Variants in NBAS observed in about 807,000 individuals in gnomAD.
The protein encoded by NBAS is NAG/BC035112 fusion.
In NBAS, 219 loss-of-function variants were observed where a neutral mutation model predicts 302.5. The ratio of observed to expected loss-of-function variants is 0.72; its 90% CI spans 0.65 to 0.81. NBAS has a LOEUF of 0.81. Ranked by LOEUF, NBAS falls within the 30% of genes least tolerant of loss-of-function variation. The pLI is 0.00. For synonymous variants in NBAS, 1,118 were observed against 1,021.6 expected (o/e 1.09, Z -1.80); for missense variants, 2,932 against 2,841.6 (o/e 1.03, Z -0.72).
chr2:15,505,789 A>G (rs893798492), intron 10 of NBAS, among the ~76,000 whole-genome samples: 1 of 152,226 alleles, frequency 6.6e-6, no homozygotes, highest in Non-Finnish European at 1.5e-5. Context: ...AAACTTTAAC[A>G]TAGCACTCCA....
At chr2:14,887,399 C>CAAAAAAAAAAA in the NBAS span, among the ~76,000 whole-genome samples, 67 of 84,610 alleles carry the variant, frequency 7.9e-4, 4 homozygotes, top group African/African-American at 2.7e-3. Context: ...TGAGACTCCT[C>CAAAAAAAAAAA]AAAAAAAAAA....
intron 44 of NBAS, among the ~76,000 whole-genome samples, chr2:15,272,169 G>T (rs1191714060): frequency 6.6e-6 from 1 of 152,142 alleles, no homozygotes; most frequent in Non-Finnish European, 1.5e-5. Flanking sequence ...ACTCAGTTCA[G>T]GCCTTGGGAA....
At chr2:14,833,832 T>C in the NBAS span, among the ~76,000 whole-genome samples, 5 of 151,980 alleles carry the variant, frequency 3.3e-5, no homozygotes, top group East Asian at 7.7e-4. Flanking sequence ...CTACACGATA[T>C]CTCAAATTTT....
intron 47 of NBAS, among the ~76,000 whole-genome samples, chr2:15,228,596 A>C (rs1434172342): frequency 1.3e-5 from 2 of 152,272 alleles, no homozygotes; most frequent in African/African-American, 4.8e-5. Context: ...CTAAATGCCC[A>C]TCTAAAGATT....
chr2:14,856,291 C>T, the NBAS span, among the ~76,000 whole-genome samples: 2 of 152,140 alleles, frequency 1.3e-5, no homozygotes, highest in Non-Finnish European at 2.9e-5. Flanking sequence ...CATCCAAGTC[C>T]TTTTAAATAT....
chr2:15,451,209 C>T (rs773144384), intron 21 of NBAS, among the ~76,000 whole-genome samples: 5 of 152,238 alleles, frequency 3.3e-5, no homozygotes, highest in South Asian at 4.1e-4. Context: ...TGCCACCATG[C>T]CCAGCTAATT....
chr2:15,384,301 T>C (rs1480076881), intron 28 of NBAS, among the ~76,000 whole-genome samples: 2 of 152,224 alleles, frequency 1.3e-5, no homozygotes, highest in East Asian at 1.9e-4. Flanking sequence ...GAGCAAGTCA[T>C]TTAATATTCT....
the NBAS span, among the ~76,000 whole-genome samples, chr2:14,807,440 C>CGTGTGTGT: frequency 3.0e-4 from 38 of 128,526 alleles, no homozygotes; most frequent in African/African-American, 1.3e-3. Context: ...TTTCAAATCC[C>CGTGTGTGT]GTGTGTGTGT....
At chr2:15,020,774 A>G in the NBAS span, among the ~76,000 whole-genome samples, 1 of 152,216 alleles carries the variant, frequency 6.6e-6, no homozygotes, top group Non-Finnish European at 1.5e-5. Context: ...TGAGGCATCC[A>G]AAACAAAACT....
At chr2:15,492,582 G>A (rs1030476100) in intron 11 of NBAS, among the ~76,000 whole-genome samples, 3 of 151,972 alleles carry the variant, frequency 2.0e-5, no homozygotes, top group African/African-American at 7.3e-5. Context: ...TCAGCCTCCT[G>A]AGTAGCCAGG....
chr2:14,880,851 C>A, the NBAS span, among the ~76,000 whole-genome samples: 2 of 150,242 alleles, frequency 1.3e-5, no homozygotes, highest in Non-Finnish European at 3.0e-5. Flanking sequence ...TCTGAATGGT[C>A]AACTTTGAAG....
chr2:15,417,736 G>A, intron 23 of NBAS, 24 bp from the exon 24 acceptor site: 3 of 1,602,364 alleles, frequency 1.9e-6, no homozygotes, highest in Non-Finnish European at 2.6e-6. Context: ...GCAACAATAA[G>A]TTCCTGAGTA....
the NBAS span, among the ~76,000 whole-genome samples, chr2:14,788,986 C>T: frequency 6.6e-6 from 1 of 152,360 alleles, no homozygotes; most frequent in East Asian, 1.9e-4. Context: ...GGGCTCCACC[C>T]AGTTGGAGCT....
At chr2:15,347,082 A>G (rs1301997947) in intron 35 of NBAS, among the ~76,000 whole-genome samples, 1 of 152,216 alleles carries the variant, frequency 6.6e-6, no homozygotes, top group African/African-American at 2.4e-5. Flanking sequence ...ATACCTATGT[A>G]ACAAACCTGC....
At chr2:15,204,444 G>C (rs978534171) in intron 48 of NBAS, among the ~76,000 whole-genome samples, 2 of 152,092 alleles carry the variant, frequency 1.3e-5, no homozygotes, top group Non-Finnish European at 2.9e-5. Context: ...TTGACAGAGA[G>C]AGGAGTTTAC....
the NBAS span, among the ~76,000 whole-genome samples, chr2:15,054,083 G>A: frequency 6.6e-6 from 1 of 152,160 alleles, no homozygotes; most frequent in African/African-American, 2.4e-5. Context: ...GGACTCTTCA[G>A]TTCAATGTAT....
chr2:15,398,615 A>T (rs1473768982), intron 26 of NBAS, among the ~76,000 whole-genome samples: 1 of 90,460 alleles, frequency 1.1e-5, no homozygotes, highest in Non-Finnish European at 2.7e-5. Flanking sequence ...AGATTAAATG[A>T]GTGATTGCTC....
chr2:15,513,748 G>T (rs1662253696), intron 9 of NBAS, among the ~76,000 whole-genome samples: 1 of 151,676 alleles, frequency 6.6e-6, no homozygotes, highest in Non-Finnish European at 1.5e-5. Context: ...CAAAACTTTG[G>T]GAAGACAAGG....
At chr2:14,809,103 G>A in the NBAS span, among the ~76,000 whole-genome samples, 2 of 152,306 alleles carry the variant, frequency 1.3e-5, no homozygotes, top group South Asian at 2.1e-4. Flanking sequence ...AGTTTTATAA[G>A]GGGAGCAGGG....
Sources: gnomAD v4.1 joint callset for allele counts (sites outside exome capture counted in the v4.1 genomes callset) on GRCh38, gnomAD v4.1.1 for gene constraint, MANE v1.5 for transcripts, NCBI Gene and HGNC (gene_info 2026-07-23, HGNC 2026-07-21) for gene names.